The following ERBB4 variants were observed in gnomAD, a reference collection of about 807,000 sequenced individuals.
ERBB4 encodes erb-b2 receptor tyrosine kinase 4.
In ERBB4, 42 loss-of-function variants were observed where a neutral mutation model predicts 158.0. The ratio of observed to expected loss-of-function variants is 0.27; its 90% confidence interval spans 0.21 to 0.34. The LOEUF is 0.34. ERBB4 is among the 10% of genes least tolerant of loss of function. The pLI, the probability that ERBB4 is intolerant of heterozygous loss-of-function variation, is 1.00. For synonymous variants in ERBB4, 583 were observed against 558.7 expected, an observed-to-expected ratio of 1.04 and a Z score of -0.61; for missense variants, 1,333 against 1,624.1, an observed-to-expected ratio of 0.82 and a Z score of 3.08.
intron 2 of ERBB4, among the ~76,000 whole-genome samples, chr2:212,041,977 C>T (rs1369599605): frequency 6.6e-6 from 1 of 151,992 alleles, no homozygotes; most frequent in Non-Finnish European, 1.5e-5. Flanking sequence ...AGCTGATGAG[C>T]AATTAAATTA....
intron 3 of ERBB4, among the ~76,000 whole-genome samples, chr2:211,850,339 C>T (rs556473005): frequency 6.6e-6 from 1 of 151,644 alleles, no homozygotes; most frequent in Non-Finnish European, 1.5e-5. Flanking sequence ...TATTCATATA[C>T]ATATTCATAT....
At chr2:212,168,069 A>T (rs1258511492) in intron 1 of ERBB4, among the ~76,000 whole-genome samples, 2 of 6,416 alleles carry the variant, frequency 3.1e-4, no homozygotes, top group South Asian at 4.3e-3. Context: ...AATTAAAATT[A>T]AAAAAAAAAA....
At position 211,987,341 on chromosome 2, in the gene ERBB4, A is replaced by AAAAAAAAAAAAAAAAAG. The variant is rs1215048952; in HGVS notation, c.235-39726_235-39725insCTTTTTTTTTTTTTTTT. ...ATCTCAAGAAAAGACAAAAAAAAAAAAAAGAAAGAAATCTATCACCCATGA... is the reference window on the plus strand; with the variant it reads ...ATCTCAAGAAAAGACAAAAAAAAAAAAAAAAAAAAAAAAAAAGAAAGAAAGAAATCTATCACCCATGA... On this transcript the variant is annotated intron_variant, in intron 2 of 27. Coordinates refer to ENST00000342788, the MANE Select transcript of ERBB4 (RefSeq NM_005235.3). Among the ~76,000 whole-genome samples the AAAAAAAAAAAAAAAAAG allele has an allele frequency of 1.5e-3, 189 of 124,420 alleles. 2 individuals carry two copies. Among genetic ancestry groups the AAAAAAAAAAAAAAAAAG allele is most frequent in the South Asian group, 3.7e-3 (13 of 3,556 alleles). The allele number at this position is 124,420 out of a possible 152,430, so 81.6% of individuals were successfully genotyped here. A position where few individuals can be genotyped will look rare whatever the true frequency, so the allele number is the denominator to read the frequency against.
intron 19 of ERBB4, among the ~76,000 whole-genome samples, chr2:211,584,257 A>G (rs1396524117): frequency 6.6e-6 from 1 of 151,798 alleles, no homozygotes; most frequent in Non-Finnish European, 1.5e-5. Flanking sequence ...TATTAGCACT[A>G]TTTTGGGGTA....
At chr2:212,394,118 A>G (rs2090956851) in intron 1 of ERBB4, among the ~76,000 whole-genome samples, 1 of 152,114 alleles carries the variant, frequency 6.6e-6, no homozygotes, top group Non-Finnish European at 1.5e-5. Context: ...TTGAGTCCTT[A>G]TACATTTTTA....
At chr2:212,270,641 C>T (rs901897141) in intron 1 of ERBB4, among the ~76,000 whole-genome samples, 20 of 151,706 alleles carry the variant, frequency 1.3e-4, no homozygotes, top group African/African-American at 4.8e-4. Flanking sequence ...GAACTTTCTA[C>T]GTTTTTTGGC....
At chr2:212,163,740 C>T (rs2081269949) in intron 1 of ERBB4, among the ~76,000 whole-genome samples, 1 of 151,938 alleles carries the variant, frequency 6.6e-6, no homozygotes, top group Admixed American at 6.6e-5. Context: ...CTTTCCAGAT[C>T]AGTATTAATG....
intron 3 of ERBB4, among the ~76,000 whole-genome samples, chr2:211,827,867 T>G (rs908591790): frequency 3.3e-5 from 5 of 152,096 alleles, no homozygotes; most frequent in African/African-American, 1.2e-4. Flanking sequence ...CATTTTCACT[T>G]TTTAAAAGTC....
chr2:212,520,743 G>T (rs947291540), intron 1 of ERBB4, among the ~76,000 whole-genome samples: 6 of 151,942 alleles, frequency 3.9e-5, no homozygotes, highest in African/African-American at 1.2e-4. Flanking sequence ...ACGGACTGTA[G>T]GGAGTTTGAG....
At position 211,696,930 on chromosome 2, in the gene ERBB4, A is replaced by G. The variant is rs757159236; in HGVS notation, c.1489+5037T>C. On this transcript the variant is annotated intron_variant, in intron 12 of 27. Coordinates refer to ENST00000342788, the MANE Select transcript of ERBB4 (RefSeq NM_005235.3). ...GGTGATCTGCCCACCTCTGCCTCCCAAAGTGCTGGGATTACAGGCGTGAGC... is the reference window on the plus strand; with the variant it reads ...GGTGATCTGCCCACCTCTGCCTCCCGAAGTGCTGGGATTACAGGCGTGAGC... 4.6e-5 allele frequency among the ~76,000 whole-genome samples: 7 copies of G among 152,164 alleles called. No individual in the cohort carries two copies. The South Asian group carries it at 1.0e-3, about 23-fold the overall frequency.
rs548412107 is a variant in ERBB4 at position 211,503,607 on chromosome 2, G to A, written c.2487+58296C>T. 4.6e-5 allele frequency among the ~76,000 whole-genome samples: 7 copies of A among 152,236 alleles called. No individual in the cohort carries two copies. The East Asian group carries it at 1.2e-3, about 25-fold the overall frequency. ...CTCACAGTTCAAAACATCTGGACCC[G>A]CATAGCGCCTTGGGCACAGGTGGCT... On this transcript the variant is annotated intron_variant, in intron 20 of 27. Coordinates refer to ENST00000342788, the MANE Select transcript of ERBB4 (RefSeq NM_005235.3).
chr2:212,242,369 A>G (rs2084141027), intron 1 of ERBB4, among the ~76,000 whole-genome samples: 1 of 152,118 alleles, frequency 6.6e-6, no homozygotes, highest in East Asian at 1.9e-4. Flanking sequence ...AATTGATACT[A>G]TATTTTATTA....
At chr2:211,640,207 C>A (rs2070524902) in intron 16 of ERBB4, among the ~76,000 whole-genome samples, 1 of 151,990 alleles carries the variant, frequency 6.6e-6, no homozygotes, top group African/African-American at 2.4e-5. Flanking sequence ...AAGTATCTTT[C>A]TTGGGAAGTA....
At position 212,422,770 on chromosome 2, in the gene ERBB4, T is replaced by C. The variant is rs144507763; in HGVS notation, c.82+115679A>G. Among the ~76,000 whole-genome samples the C allele has an allele frequency of 1.2e-3, 179 of 152,314 alleles. 2 individuals are homozygous for C. In the East Asian group the frequency reaches 0.026, roughly 22 times the overall value. ...ACCATTTTTCTTGGCTTGGTATTAA[T>C]TTTGGTAAGAGATGAGTTACCAAGT... is the stretch of plus-strand genomic sequence containing the variant. On this transcript the variant is annotated intron_variant, in intron 1 of 27. Coordinates refer to ENST00000342788, the MANE Select transcript of ERBB4 (RefSeq NM_005235.3).
At chr2:212,330,324 G>T (rs1477451466) in intron 1 of ERBB4, among the ~76,000 whole-genome samples, 1 of 152,004 alleles carries the variant, frequency 6.6e-6, no homozygotes, top group Non-Finnish European at 1.5e-5. Flanking sequence ...AAAACAACCT[G>T]CAAGATTAGG....
chr2:211,902,133 T>C (rs1003393892), intron 3 of ERBB4, among the ~76,000 whole-genome samples: 1 of 152,132 alleles, frequency 6.6e-6, no homozygotes, highest in African/African-American at 2.4e-5. Flanking sequence ...TTTAAATATG[T>C]GATCTCTTCA....
At chr2:212,255,686 C>T (rs990343240) in intron 1 of ERBB4, among the ~76,000 whole-genome samples, 1 of 152,076 alleles carries the variant, frequency 6.6e-6, no homozygotes, top group Non-Finnish European at 1.5e-5. Context: ...TGAAATGCTG[C>T]AATGACCATT....
At chr2:211,409,165 A>T (rs1215053994) in intron 25 of ERBB4, among the ~76,000 whole-genome samples, 1 of 152,042 alleles carries the variant, frequency 6.6e-6, no homozygotes, top group Non-Finnish European at 1.5e-5. Context: ...TTATATATAT[A>T]TTTTTAACCA....
At chr2:212,390,504 C>G (rs1560191297) in intron 1 of ERBB4, among the ~76,000 whole-genome samples, 1 of 151,716 alleles carries the variant, frequency 6.6e-6, no homozygotes, top group Non-Finnish European at 1.5e-5. Flanking sequence ...TTCAGAACAT[C>G]TATTCTTTTT....
Sources: gnomAD v4.1 joint callset for allele counts (sites outside exome capture counted in the v4.1 genomes callset) on GRCh38, gnomAD v4.1.1 for gene constraint, MANE v1.5 for transcripts, NCBI Gene and HGNC (gene_info 2026-07-23, HGNC 2026-07-21) for gene names.